The following TMCC1 variants were observed in gnomAD, a reference collection of about 807,000 sequenced individuals.
TMCC1 encodes transmembrane and coiled-coil domains protein 1.
Under a neutral mutation model 52.4 loss-of-function variants are expected in TMCC1, and 15 were observed. That is an observed-to-expected ratio of 0.29 (90% CI 0.19 to 0.44). TMCC1 has a LOEUF of 0.44. Ranked by LOEUF, TMCC1 falls within the 20% of genes least tolerant of loss-of-function variation. The pLI, the probability that TMCC1 is intolerant of heterozygous loss-of-function variation, is 1.00. For synonymous variants in TMCC1, 279 were observed against 301.9 expected, an observed-to-expected ratio of 0.92 and a Z score of 0.79; for missense variants, 503 against 806.0, an observed-to-expected ratio of 0.62 and a Z score of 4.55.
At chr3:129,820,635 C>T (rs952512829) in intron 4 of TMCC1, among the ~76,000 whole-genome samples, 3 of 152,058 alleles carry the variant, frequency 2.0e-5, no homozygotes, top group Admixed American at 6.6e-5. Context: ...TAAATGAAAA[C>T]GACTGTAGAA....
At chr3:129,759,862 T>C (rs1372463781) in intron 4 of TMCC1, among the ~76,000 whole-genome samples, 2 of 149,776 alleles carry the variant, frequency 1.3e-5, no homozygotes, top group Non-Finnish European at 3.0e-5. Context: ...GCTGGGACTA[T>C]AGGCGCCCGC....
intron 4 of TMCC1, among the ~76,000 whole-genome samples, chr3:129,822,236 T>A (rs1335573738): frequency 6.6e-6 from 1 of 152,184 alleles, no homozygotes; most frequent in East Asian, 1.9e-4. Context: ...GTATTTGATA[T>A]CTACTGTTAC....
At chr3:129,823,509 A>G (rs1255841777) in intron 4 of TMCC1, among the ~76,000 whole-genome samples, 2 of 152,194 alleles carry the variant, frequency 1.3e-5, no homozygotes, top group Non-Finnish European at 2.9e-5. Flanking sequence ...CAACAGGATC[A>G]TAGGCTATGA....
At chr3:129,859,039 T>C (rs2060265288) in intron 2 of TMCC1, among the ~76,000 whole-genome samples, 1 of 152,074 alleles carries the variant, frequency 6.6e-6, no homozygotes, top group Non-Finnish European at 1.5e-5. Flanking sequence ...AATAGAAAAA[T>C]AACATGAAGG....
chr3:129,680,538 T>G (rs925117972), intron 4 of TMCC1, among the ~76,000 whole-genome samples: 17 of 152,306 alleles, frequency 1.1e-4, no homozygotes, highest in African/African-American at 4.1e-4. Flanking sequence ...ATTCACTGCG[T>G]CGCTTGTCAT....
chr3:129,710,743 GA>G lies in TMCC1; in HGVS notation c.577-39480del, dbSNP rs1165803376. On this transcript the variant is annotated intron_variant, in intron 4 of 6. Coordinates refer to ENST00000393238, the MANE Select transcript of TMCC1 (RefSeq NM_001017395.5). ...AATTATATACAGGTCAGCAACTACA[GA>G]AAGAAGATATTGAATCTAATGGGAA... is the stretch of plus-strand genomic sequence containing the variant. 2.0e-5 allele frequency among the ~76,000 whole-genome samples: 3 copies of G among 152,196 alleles called. No individual in the cohort carries two copies. In the East Asian group the frequency reaches 5.8e-4, roughly 29 times the overall value.
chr3:129,736,823 A>G (rs999557581), intron 4 of TMCC1, among the ~76,000 whole-genome samples: 16 of 151,992 alleles, frequency 1.1e-4, no homozygotes, highest in African/African-American at 3.9e-4. Flanking sequence ...CCCGGCCGCA[A>G]TTATTCAAGT....
rs1446159104 is a variant in TMCC1, at chr3:129,859,378, TC to T, written c.-184+20930del. 5.9e-5 allele frequency among the ~76,000 whole-genome samples: 9 copies of T among 152,300 alleles called. 1 individual carries two copies. Among genetic ancestry groups the T allele is most frequent in the Non-Finnish European group, 1.3e-4 (9 of 68,014 alleles). ...GCTGGGTGTGATAGCTCACGCGTTA[TC>T]CCAGCACTTTGTTTTGGGAGGCTGA... On this transcript the variant is annotated intron_variant, in intron 2 of 6. Transcript: ENST00000393238.
intron 4 of TMCC1, among the ~76,000 whole-genome samples, chr3:129,810,725 C>T (rs915073301): frequency 6.6e-6 from 1 of 152,200 alleles, no homozygotes; most frequent in Non-Finnish European, 1.5e-5. Flanking sequence ...GGAAGCTTAT[C>T]AAAGCAATGT....
intron 2 of TMCC1, among the ~76,000 whole-genome samples, chr3:129,870,141 TA>T (rs2060841707): frequency 1.3e-5 from 2 of 152,192 alleles, no homozygotes; most frequent in African/African-American, 4.8e-5. Context: ...AAAAATAAAA[TA>T]TAAAGAAATC....
intron 4 of TMCC1, among the ~76,000 whole-genome samples, chr3:129,724,070 T>C (rs548574937): frequency 1.6e-4 from 25 of 152,100 alleles, no homozygotes; most frequent in Non-Finnish European, 2.6e-4. Flanking sequence ...TACTGTGGCA[T>C]GAGGTCAGCA....
At chr3:129,666,568 G>A (rs902460839) in intron 5 of TMCC1, among the ~76,000 whole-genome samples, 1 of 151,522 alleles carries the variant, frequency 6.6e-6, no homozygotes, top group Admixed American at 6.6e-5. Flanking sequence ...GTAAAACCCC[G>A]CCTCTCTTAA....
intron 4 of TMCC1, among the ~76,000 whole-genome samples, chr3:129,704,092 G>A (rs996858201): frequency 2.6e-5 from 4 of 152,188 alleles, no homozygotes; most frequent in African/African-American, 9.6e-5. Context: ...TGGAGATGGA[G>A]AAGAATGAAT....
At chr3:129,850,554 A>G (rs1345492465) in intron 2 of TMCC1, among the ~76,000 whole-genome samples, 1 of 152,196 alleles carries the variant, frequency 6.6e-6, no homozygotes, top group Non-Finnish European at 1.5e-5. Flanking sequence ...GGCTTCTCTG[A>G]GTTTTTCTCC....
intron 3 of TMCC1, among the ~76,000 whole-genome samples, chr3:129,829,845 C>CA (rs1427311543): frequency 4.6e-5 from 7 of 152,194 alleles, no homozygotes; most frequent in African/African-American, 9.6e-5. Flanking sequence ...AATGCAAACT[C>CA]ACTAAAGTTT....
chr3:129,756,423 CTTTT>C (rs201649588), intron 4 of TMCC1, among the ~76,000 whole-genome samples: 1 of 151,182 alleles, frequency 6.6e-6, no homozygotes, highest in African/African-American at 2.4e-5. Context: ...ATTTGTTTTG[CTTTT>C]TTTTTGAGAC....
At chr3:129,868,095 G>T (rs369281516) in intron 2 of TMCC1, among the ~76,000 whole-genome samples, 1 of 151,902 alleles carries the variant, frequency 6.6e-6, no homozygotes, top group African/African-American at 2.4e-5. Flanking sequence ...AGAAGACAAC[G>T]CCCACATCTC....
intron 2 of TMCC1, among the ~76,000 whole-genome samples, chr3:129,877,514 G>A (rs573844827): frequency 2.1e-4 from 32 of 152,036 alleles, no homozygotes; most frequent in African/African-American, 7.5e-4. Flanking sequence ...CCAGCTTTCT[G>A]GATTTAAATA....
intron 5 of TMCC1, among the ~76,000 whole-genome samples, chr3:129,664,162 T>C (rs1490067534): frequency 6.6e-6 from 1 of 152,220 alleles, no homozygotes; most frequent in Non-Finnish European, 1.5e-5. Flanking sequence ...GAAGGGCTAA[T>C]TTGATTCAGT....
Sources: allele counts gnomAD v4.1 joint callset (sites outside exome capture counted in the v4.1 genomes callset), GRCh38; gene constraint gnomAD v4.1.1; transcripts MANE v1.5; gene names NCBI Gene and HGNC (gene_info 2026-07-23, HGNC 2026-07-21).